The following URB1 variants were observed in gnomAD, a reference collection of about 807,000 sequenced individuals.
URB1 encodes the protein nucleolar pre-ribosomal-associated protein 1.
Under a neutral mutation model 242.3 loss-of-function variants are expected in URB1, and 197 were observed. The observed-to-expected ratio is 0.81, with a 90% CI of 0.72 to 0.91. URB1 has a LOEUF of 0.91. Ranked by LOEUF, URB1 falls within the 40% of genes least tolerant of loss-of-function variation. URB1 has a pLI of 0.00. For missense variants in URB1, 2,721 were observed against 2,860.5 expected, an observed-to-expected ratio of 0.95 and a Z score of 1.11; for synonymous variants, 1,153 against 1,201.8, an observed-to-expected ratio of 0.96 and a Z score of 0.84.
chr21:32,337,556 GAC>G, intron 26 of URB1, 42 bp from the exon 27 acceptor site: 2 of 1,501,694 alleles, frequency 1.3e-6, no homozygotes, highest in South Asian at 2.4e-5. Flanking sequence ...TGGTGGGGCA[GAC>G]ACACTGAATA....
At chr21:32,344,993 A>G (rs2033069618) in intron 23 of URB1, among the ~76,000 whole-genome samples, 1 of 152,242 alleles carries the variant, frequency 6.6e-6, no homozygotes, top group East Asian at 1.9e-4. Flanking sequence ...ACGTATGTCC[A>G]GACTTTTTCT....
At position 32,368,312 on chromosome 21, in the gene URB1, CCT is replaced by C. The variant is rs1236238830; in HGVS notation, c.1197+89_1197+90del. On this transcript the variant is annotated intron_variant, in intron 9 of 38. Transcript: ENST00000382751. ...CAAACTCCTGACCTCAGGTAATCCG[CCT>C]GCCTCGGCCTCCCGAAGTGCTGGGA... 8 of 1,227,550 alleles carry C rather than the reference CCT, an allele frequency of 6.5e-6. No homozygotes were observed. In the East Asian group the frequency reaches 2.2e-4, roughly 33 times the overall value. The allele number at this position is 1,227,550 out of a possible 1,614,324, so 76.0% of individuals were successfully genotyped here.
chr21:32,315,611 T>C (rs2123536044), intron 38 of URB1, among the ~76,000 whole-genome samples: 1 of 152,358 alleles, frequency 6.6e-6, no homozygotes, highest in South Asian at 2.1e-4. Context: ...TTTCTTCTGA[T>C]GAATATGTGT....
At chr21:32,331,147 C>A (rs922391751) in intron 30 of URB1, among the ~76,000 whole-genome samples, 1 of 152,162 alleles carries the variant, frequency 6.6e-6, no homozygotes, top group African/African-American at 2.4e-5. Flanking sequence ...AGGGATCACG[C>A]GAACCAGCAC....
At chr21:32,338,587 T>C (rs2032989859) in intron 26 of URB1, 120 bp downstream of exon 26, 2 of 1,124,390 alleles carry the variant, frequency 1.8e-6, no homozygotes, top group Non-Finnish European at 2.6e-6. Context: ...TCTGACACTG[T>C]CTTGGCAATG....
chr21:32,355,934 G>A (rs2033215250), intron 15 of URB1, among the ~76,000 whole-genome samples: 1 of 152,224 alleles, frequency 6.6e-6, no homozygotes, highest in Admixed American at 6.5e-5. Context: ...TTCTGTCGGA[G>A]GTCAAGCAGT....
In URB1 at chr21:32,338,678, G is replaced by A. The variant is rs984512521; in HGVS notation, c.4510+29C>T. 5 of 1,549,602 alleles carry A rather than the reference G, an allele frequency of 3.2e-6. No individual in the cohort carries two copies. In the African/African-American group the frequency reaches 5.5e-5, roughly 17 times the overall value. On this transcript the variant is annotated intron_variant, in intron 26 of 38. Coordinates refer to ENST00000382751, the MANE Select transcript of URB1 (RefSeq NM_014825.3). ...AAATCAGGAGATAAAATCTGGATAC[G>A]GAATGGAAGGGCTGGGGTGAGGGGT... is the stretch of plus-strand genomic sequence containing the variant.
At chr21:32,367,070 G>A (rs2033354730) in intron 9 of URB1, among the ~76,000 whole-genome samples, 1 of 152,188 alleles carries the variant, frequency 6.6e-6, no homozygotes, top group African/African-American at 2.4e-5. Context: ...ACCAGTTCTT[G>A]CTGCACTTGA....
At chr21:32,389,728 T>C (rs1028661371) in intron 1 of URB1, among the ~76,000 whole-genome samples, 2 of 152,232 alleles carry the variant, frequency 1.3e-5, no homozygotes, top group Admixed American at 6.5e-5. Context: ...GTTTAACCAT[T>C]AGTGTACTCT....
At position 32,381,953 on chromosome 21, in the gene URB1, A is replaced by ATCTAAGATACT. The variant is rs572883791; in HGVS notation, c.567+1458_567+1468dup. 7.2e-4 allele frequency among the ~76,000 whole-genome samples: 110 copies of ATCTAAGATACT among 152,348 alleles called. 1 individual carries two copies. Among genetic ancestry groups the ATCTAAGATACT allele is most frequent in the Non-Finnish European group, 1.1e-3 (72 of 68,038 alleles). On this transcript the variant is annotated intron_variant, in intron 4 of 38. Transcript: ENST00000382751. ...CTCCATTTCCTATAACATATAAGAT[A>ATCTAAGATACT]TCTAAGATACTTATTACAGATTACA...
At chr21:32,383,690 C>A (rs1232687085) in intron 3 of URB1, 136 bp from the exon 4 acceptor site, 4 of 1,019,656 alleles carry the variant, frequency 3.9e-6, no homozygotes, top group Admixed American at 7.5e-5. Context: ...AAAAGACATG[C>A]TCTTTTTTTA....
chr21:32,347,307 C>T lies in URB1; in HGVS notation c.3517G>A (p.Glu1173Lys), dbSNP rs563027463. Residue 1173 changes from glutamate to lysine, a missense_variant, in exon 22 of 39, where the codon GAG (glutamate) becomes AAG (lysine). Coordinates refer to ENST00000382751, the MANE Select transcript of URB1 (RefSeq NM_014825.3). Reference protein sequence around the residue: ...CSPQDQLQSGELLWSSEYVRG... With the variant: ...CSPQDQLQSGKLLWSSEYVRG... The stretch of plus-strand genomic sequence containing the variant: ...ACATACTCGGAGGACCACAGGAGCT[C>T]ACCACTCTGCAGCTGATCCTGGGGG... The T allele has an allele frequency of 1.9e-6, 3 of 1,551,226 alleles. No individual in the cohort carries two copies. Among genetic ancestry groups the T allele is most frequent in the East Asian group, 2.4e-5 (1 of 40,918 alleles).
At chr21:32,357,010 T>C (rs917041997) in intron 15 of URB1, among the ~76,000 whole-genome samples, 1 of 152,230 alleles carries the variant, frequency 6.6e-6, no homozygotes, top group Non-Finnish European at 1.5e-5. Flanking sequence ...ACCCTAAACA[T>C]AGTGCATCCC....
rs2032994968 is a variant in URB1, at chr21:32,338,841, T to C, written c.4376A>G (p.Tyr1459Cys). Residue 1459 changes from tyrosine (Y) to cysteine (C), a missense_variant, in exon 26 of 39, where the codon TAC becomes TGC. Transcript: ENST00000382751. ...CGTGCGCACGGAGCTTTCTGGGCTG[T>C]ACAGGAGCTGTACGGCGGTGAGGAG... Reference protein sequence around the residue: ...KMLLTAVQLLYSPESSVRTKL... With the variant: ...KMLLTAVQLLCSPESSVRTKL... 1 of 1,551,574 alleles carries C rather than the reference T, an allele frequency of 6.4e-7. No individual in the cohort carries two copies. Among genetic ancestry groups the C allele is most frequent in the Non-Finnish European group, 8.7e-7 (1 of 1,146,992 alleles).
At chr21:32,320,981 C>T (rs2032758652) in intron 34 of URB1, among the ~76,000 whole-genome samples, 1 of 152,240 alleles carries the variant, frequency 6.6e-6, no homozygotes, top group Non-Finnish European at 1.5e-5. Context: ...GGCCCGCCTC[C>T]AGGCCAGCTG....
intron 22 of URB1, among the ~76,000 whole-genome samples, chr21:32,346,151 C>T (rs1048925294): frequency 1.3e-5 from 2 of 152,172 alleles, no homozygotes; most frequent in Non-Finnish European, 2.9e-5. Context: ...CCTCTTGCTT[C>T]CCCTCTGGCC....
At position 32,319,358 on chromosome 21, in the gene URB1, A is replaced by G. The variant is rs1251669538; in HGVS notation, c.5651T>C (p.Val1884Ala). Reference sequence around the variant, plus strand: ...CACTGCCTTGTCCCCCAGGTTGGTCACCCACAGTGTGTGTAGCAAGGAGAT... The same window carrying G: ...CACTGCCTTGTCCCCCAGGTTGGTCGCCCACAGTGTGTGTAGCAAGGAGAT... ...NVISLLHTLW[V>A]TNLGDKAVEW... Residue 1884 changes from valine to alanine, a missense_variant, in exon 36 of 39, where the codon GTG becomes GCG. By Grantham distance (64) the Val-to-Ala change is moderately conservative. Transcript: ENST00000382751. 6.4e-7 allele frequency: 1 copy of G among 1,550,666 alleles called. No individual in the cohort carries two copies. Among genetic ancestry groups the G allele is most frequent in the Non-Finnish European group, 8.7e-7 (1 of 1,146,586 alleles).
rs2033658643 is a variant in URB1 at position 32,392,994 on chromosome 21, T to G, written c.-84A>C. 1.4e-6 allele frequency: 2 copies of G among 1,400,058 alleles called. No individual in the cohort carries two copies. The highest frequency in any genetic ancestry group is 2.7e-5 in the East Asian group (1 of 36,856). The allele number at this position is 1,400,058 out of a possible 1,614,324, so 86.7% of individuals were successfully genotyped here. On this transcript the variant is annotated 5_prime_UTR_variant, in exon 1 of 39. It removes the in-frame stop codon of an upstream open reading frame in the 5' UTR. Coordinates refer to ENST00000382751, the MANE Select transcript of URB1 (RefSeq NM_014825.3). ...CTGGCACAGACAGCAGACACGCGCT[T>G]CAGGCCCACATGGCGCAGGAAGAGG...
chr21:32,361,446 G>A (rs550291466), intron 12 of URB1, among the ~76,000 whole-genome samples: 37 of 152,310 alleles, frequency 2.4e-4, no homozygotes, highest in African/African-American at 8.7e-4. Flanking sequence ...GTGCTTTCGT[G>A]TCTTCATCTG....
Sources: allele counts gnomAD v4.1 joint callset (sites outside exome capture counted in the v4.1 genomes callset), GRCh38; gene constraint gnomAD v4.1.1; transcripts MANE v1.5; gene names NCBI Gene and HGNC (gene_info 2026-07-23, HGNC 2026-07-21).